ASIC2: variants seen among roughly 807,000 people sequenced by gnomAD.
The protein encoded by ASIC2 is acid sensing ion channel subunit 2.
Under a neutral mutation model 57.3 loss-of-function variants are expected in ASIC2, and 25 were observed. That is an observed-to-expected ratio of 0.44 (90% CI 0.32 to 0.61). The LOEUF is 0.61. Among genes scored for constraint, ASIC2 ranks in the 20% least tolerant of loss-of-function variants. The pLI is 0.06. For synonymous variants in ASIC2, 319 were observed against 307.5 expected (o/e 1.04, Z -0.39); for missense variants, 641 against 738.1 (o/e 0.87, Z 1.52).
At chr17:33,429,646 T>C (rs1969115) in intron 1 of ASIC2, among the ~76,000 whole-genome samples, 58,296 of 151,872 alleles carry the variant, frequency 0.38, 11,621 homozygotes, top group Non-Finnish European at 0.42. Context: ...CACCTCGGCC[T>C]CCCAAAGTGC....
intron 3 of ASIC2, among the ~76,000 whole-genome samples, chr17:33,056,984 G>C (rs528006169): frequency 2.0e-5 from 3 of 152,256 alleles, no homozygotes; most frequent in Non-Finnish European, 4.4e-5. Context: ...AACATCAACA[G>C]GCCCAGTGTG....
At chr17:33,667,862 T>G (rs1399568367) in intron 1 of ASIC2, among the ~76,000 whole-genome samples, 1 of 152,170 alleles carries the variant, frequency 6.6e-6, no homozygotes, top group Non-Finnish European at 1.5e-5. Context: ...TTTAGTCACT[T>G]TATCTATAAG....
chr17:33,041,914 C>T (rs1401038573), intron 3 of ASIC2, among the ~76,000 whole-genome samples: 1 of 152,152 alleles, frequency 6.6e-6, no homozygotes, highest in Non-Finnish European at 1.5e-5. Flanking sequence ...ATCAGGTGGC[C>T]CTGTGAGGTC....
At chr17:33,562,821 G>T (rs1215866743) in intron 1 of ASIC2, among the ~76,000 whole-genome samples, 1 of 152,162 alleles carries the variant, frequency 6.6e-6, no homozygotes, top group East Asian at 1.9e-4. Context: ...TCAAGCAAGG[G>T]GCTGGATGGG....
intron 1 of ASIC2, among the ~76,000 whole-genome samples, chr17:33,785,338 C>A (rs1232042514): frequency 1.3e-5 from 2 of 152,156 alleles, no homozygotes; most frequent in Non-Finnish European, 2.9e-5. Context: ...GTAGTTTAAG[C>A]CACTCAGTCT....
intron 1 of ASIC2, among the ~76,000 whole-genome samples, chr17:33,838,330 T>G (rs1280589830): frequency 6.6e-6 from 1 of 152,154 alleles, no homozygotes; most frequent in Non-Finnish European, 1.5e-5. Flanking sequence ...GTATCCCCAG[T>G]GTTCGAGAGT....
chr17:33,134,334 C>A (rs1479881610), intron 1 of ASIC2, among the ~76,000 whole-genome samples: 1 of 152,154 alleles, frequency 6.6e-6, no homozygotes, highest in African/African-American at 2.4e-5. Flanking sequence ...TGCTGTAATA[C>A]CTGCCCTCCA....
chr17:33,263,851 G>A (rs985189689), intron 1 of ASIC2, among the ~76,000 whole-genome samples: 1 of 152,232 alleles, frequency 6.6e-6, no homozygotes, highest in African/African-American at 2.4e-5. Context: ...CCTTCTGCGC[G>A]GGACAGAGGG....
chr17:33,969,254 T>C (rs1905156470), intron 1 of ASIC2, among the ~76,000 whole-genome samples: 1 of 152,240 alleles, frequency 6.6e-6, no homozygotes, highest in Admixed American at 6.5e-5. Context: ...GAGCCTCAGT[T>C]TCCCCTTCTC....
chr17:33,428,532 A>T (rs1334878512), intron 1 of ASIC2, among the ~76,000 whole-genome samples: 2 of 152,286 alleles, frequency 1.3e-5, no homozygotes, highest in African/African-American at 4.8e-5. Context: ...GTGGGCTGAT[A>T]GTCAGTTGTC....
At chr17:33,164,709 T>C (rs966187755) in intron 1 of ASIC2, among the ~76,000 whole-genome samples, 64 of 152,194 alleles carry the variant, frequency 4.2e-4, no homozygotes, top group African/African-American at 1.5e-3. Context: ...TTTGGAATCA[T>C]AACCCACTTG....
At chr17:33,067,857 T>G (rs1249509668) in intron 3 of ASIC2, among the ~76,000 whole-genome samples, 1 of 152,220 alleles carries the variant, frequency 6.6e-6, no homozygotes, top group Admixed American at 6.5e-5. Flanking sequence ...TTGCCTTGGC[T>G]GTTGGGAATG....
intron 1 of ASIC2, among the ~76,000 whole-genome samples, chr17:33,309,771 A>G (rs537405910): frequency 1.3e-5 from 2 of 151,862 alleles, no homozygotes; most frequent in Non-Finnish European, 2.9e-5. Context: ...ATGTGCTCCT[A>G]TATCTGTGTC....
chr17:34,130,278 A>G (rs1395793187), intron 1 of ASIC2, among the ~76,000 whole-genome samples: 1 of 152,212 alleles, frequency 6.6e-6, no homozygotes, highest in African/African-American at 2.4e-5. Flanking sequence ...GCAGGCTCCA[A>G]AGATAATGCA....
intron 1 of ASIC2, among the ~76,000 whole-genome samples, chr17:33,770,421 C>A (rs1035931197): frequency 6.6e-6 from 1 of 152,324 alleles, no homozygotes; most frequent in Non-Finnish European, 1.5e-5. Flanking sequence ...GCACAAAATA[C>A]AGGCTTAATG....
chr17:34,109,975 AGAGATGAGAT>A (rs148446002), intron 1 of ASIC2, among the ~76,000 whole-genome samples: 13 of 151,910 alleles, frequency 8.6e-5, no homozygotes, highest in East Asian at 3.9e-4. Context: ...AGAGAGAGAG[AGAGATGAGAT>A]GAGATGAGAT....
intron 1 of ASIC2, among the ~76,000 whole-genome samples, chr17:33,741,039 G>A (rs148361991): frequency 3.3e-5 from 5 of 152,154 alleles, no homozygotes; most frequent in South Asian, 2.1e-4. Context: ...AGACTGCCAG[G>A]GAAGGTGCTT....
At chr17:34,090,129 A>C (rs1910271285) in intron 1 of ASIC2, among the ~76,000 whole-genome samples, 1 of 152,090 alleles carries the variant, frequency 6.6e-6, no homozygotes, top group East Asian at 1.9e-4. Flanking sequence ...ATTCAATGAG[A>C]GCTCTACTGA....
intron 1 of ASIC2, among the ~76,000 whole-genome samples, chr17:33,755,134 G>C (rs1011202607): frequency 1.3e-5 from 2 of 152,164 alleles, no homozygotes; most frequent in African/African-American, 4.8e-5. Context: ...GAGGGCAGAG[G>C]AAGGCAGGGG....
Sources: gnomAD v4.1 joint callset for allele counts (sites outside exome capture counted in the v4.1 genomes callset) on GRCh38, gnomAD v4.1.1 for gene constraint, MANE v1.5 for transcripts, NCBI Gene and HGNC (gene_info 2026-07-23, HGNC 2026-07-21) for gene names.